Variants in CUL1 observed in about 807,000 individuals in gnomAD.
The protein encoded by CUL1 is cullin 1.
Under a neutral mutation model 118.0 loss-of-function variants are expected in CUL1, and 24 were observed. The observed-to-expected ratio is 0.20, with a 90% CI of 0.15 to 0.29. The LOEUF is 0.29. Among genes scored for constraint, CUL1 ranks in the 10% least tolerant of loss-of-function variants. The pLI is 1.00. For synonymous variants in CUL1, 332 were observed against 340.4 expected, an observed-to-expected ratio of 0.98 and a Z score of 0.27; for missense variants, 361 against 933.8, an observed-to-expected ratio of 0.39 and a Z score of 7.99.
intron 1 of CUL1, among the ~76,000 whole-genome samples, chr7:148,722,815 G>A (rs1180619528): frequency 6.6e-6 from 1 of 152,210 alleles, no homozygotes; most frequent in East Asian, 1.9e-4. Context: ...TTCCCAGCTG[G>A]ACTGTGGCAC....
At position 148,757,138 on chromosome 7, in the gene CUL1, T is replaced by C; in HGVS notation, c.471T>C (p.Tyr157=). Residue 157 remains tyrosine (Y), a synonymous_variant, in exon 4 of 22, where the codon TAT becomes TAC. Transcript: ENST00000325222. ...GTGACGAAGGACGAAAAGGAATATATGAAATCTATTCGGTAAGAGTTTTGT... is the reference window on the plus strand; with the variant it reads ...GTGACGAAGGACGAAAAGGAATATACGAAATCTATTCGGTAAGAGTTTTGT... ...RECDEGRKGI[Y]EIYSLALVTW... The C allele has an allele frequency of 6.5e-7, 1 of 1,549,960 alleles. No individual in the cohort carries two copies.
At chr7:148,776,307 CTTTT>C (rs746777462) in intron 9 of CUL1, among the ~76,000 whole-genome samples, 5 of 40,690 alleles carry the variant, frequency 1.2e-4, no homozygotes, top group South Asian at 1.2e-3. Context: ...CATAACCAGG[CTTTT>C]TTTTTTTTTT....
rs557465915 is a variant in CUL1, at chr7:148,759,150, A to C, written c.484-154A>C. Among the ~76,000 whole-genome samples the C allele has an allele frequency of 3.9e-4, 60 of 152,346 alleles. 1 individual carries two copies. Among genetic ancestry groups the C allele is most frequent in the African/African-American group, 1.4e-3 (57 of 41,588 alleles). ...CCTCTTGAAGTTGTTGACTCTAGAGAGTGGCTTTCTGCTTTTGTCCTGATA... is the reference window on the plus strand; with the variant it reads ...CCTCTTGAAGTTGTTGACTCTAGAGCGTGGCTTTCTGCTTTTGTCCTGATA... On this transcript the variant is annotated intron_variant, in intron 4 of 21. Coordinates refer to ENST00000325222, the MANE Select transcript of CUL1 (RefSeq NM_003592.3).
intron 3 of CUL1, among the ~76,000 whole-genome samples, chr7:148,755,199 C>T (rs1161259492): frequency 2.0e-5 from 3 of 152,266 alleles, no homozygotes; most frequent in East Asian, 1.9e-4. Context: ...CTTCATCTCC[C>T]GCCTTTTCTT....
chr7:148,702,098 C>A (rs781339958), intron 1 of CUL1, among the ~76,000 whole-genome samples: 11 of 152,106 alleles, frequency 7.2e-5, no homozygotes, highest in Non-Finnish European at 1.3e-4. Context: ...AAAAATAGAT[C>A]CTATTTGGAT....
chr7:148,744,287 GTT>G (rs755538501), intron 2 of CUL1, among the ~76,000 whole-genome samples: 2 of 151,584 alleles, frequency 1.3e-5, no homozygotes, highest in African/African-American at 4.9e-5. Flanking sequence ...CTACCATTTT[GTT>G]TTTTTCTCCC....
intron 9 of CUL1, among the ~76,000 whole-genome samples, chr7:148,781,206 G>T (rs1358346845): frequency 1.3e-5 from 2 of 148,434 alleles, no homozygotes; most frequent in African/African-American, 5.0e-5. Context: ...TCAGCCTCCC[G>T]AGTAGCTGGG....
intron 3 of CUL1, among the ~76,000 whole-genome samples, chr7:148,755,843 G>A (rs1431072323): frequency 3.3e-5 from 5 of 152,258 alleles, no homozygotes; most frequent in African/African-American, 7.2e-5. Context: ...TTGGTCACTC[G>A]TGTACCTTAT....
chr7:148,738,467 A>G (rs1358828072), intron 2 of CUL1, among the ~76,000 whole-genome samples: 2 of 152,194 alleles, frequency 1.3e-5, no homozygotes, highest in East Asian at 3.8e-4. Context: ...TTGGAGGCTG[A>G]ACCAGGCTTG....
chr7:148,737,221 G>A (rs1427478729), intron 2 of CUL1, among the ~76,000 whole-genome samples: 1 of 151,404 alleles, frequency 6.6e-6, no homozygotes, highest in Admixed American at 6.6e-5. Context: ...TAGGCGGTTA[G>A]TATAAATATG....
chr7:148,778,349 G>A (rs73469607), intron 9 of CUL1, among the ~76,000 whole-genome samples: 1,751 of 152,124 alleles, frequency 0.012, 31 homozygotes, highest in African/African-American at 0.04. Context: ...CCCTGAGCAC[G>A]CACAGACTGG....
intron 2 of CUL1, among the ~76,000 whole-genome samples, chr7:148,750,910 G>A (rs192843078): frequency 2.6e-4 from 39 of 151,870 alleles, no homozygotes; most frequent in Middle Eastern, 3.4e-3. Context: ...GTTTGAGGCA[G>A]TAGCCTGCTA....
At chr7:148,744,241 A>G (rs1799235270) in intron 2 of CUL1, among the ~76,000 whole-genome samples, 1 of 152,120 alleles carries the variant, frequency 6.6e-6, no homozygotes, top group South Asian at 2.1e-4. Context: ...TAGCCCATTA[A>G]CATTTGTTAT....
intron 1 of CUL1, among the ~76,000 whole-genome samples, chr7:148,725,248 C>CACACACACACACA (rs3222168): frequency 5.3e-5 from 8 of 151,268 alleles, no homozygotes; most frequent in Admixed American, 1.3e-4. Flanking sequence ...CACACACACA[C>CACACACACACACA]CCGTACCCCT....
chr7:148,765,684 A>G (rs1325955183), intron 7 of CUL1, among the ~76,000 whole-genome samples: 1 of 152,236 alleles, frequency 6.6e-6, no homozygotes, highest in African/African-American at 2.4e-5. Flanking sequence ...TGGCATTTTT[A>G]TAATGCAAAA....
At chr7:148,766,002 C>T (rs1032973559) in intron 7 of CUL1, among the ~76,000 whole-genome samples, 3 of 152,082 alleles carry the variant, frequency 2.0e-5, no homozygotes, top group Non-Finnish European at 2.9e-5. Context: ...CTGTTAATAA[C>T]GATGATGTTG....
intron 1 of CUL1, among the ~76,000 whole-genome samples, chr7:148,723,774 G>C (rs541722595): frequency 6.7e-6 from 1 of 149,824 alleles, no homozygotes; most frequent in Admixed American, 6.7e-5. Flanking sequence ...GAAGTCAGTA[G>C]GGGTCAGCAC....
intron 4 of CUL1, among the ~76,000 whole-genome samples, chr7:148,757,622 A>G (rs1006108482): frequency 1.3e-5 from 2 of 152,228 alleles, no homozygotes; most frequent in Admixed American, 6.5e-5. Flanking sequence ...TCTTCAGTCA[A>G]TGAAAGGGGT....
intron 1 of CUL1, among the ~76,000 whole-genome samples, chr7:148,722,240 A>C (rs1353898662): frequency 6.6e-6 from 1 of 152,136 alleles, no homozygotes; most frequent in Non-Finnish European, 1.5e-5. Flanking sequence ...GTGGTCACCG[A>C]CTAACACAGG....
Sources: allele counts gnomAD v4.1 joint callset (sites outside exome capture counted in the v4.1 genomes callset), GRCh38; gene constraint gnomAD v4.1.1; transcripts MANE v1.5; gene names NCBI Gene and HGNC (gene_info 2026-07-23, HGNC 2026-07-21).